NRXN1: variants seen among roughly 807,000 people sequenced by gnomAD.
NRXN1 encodes the protein neurexin 1.
In NRXN1, 39 loss-of-function variants were observed where a neutral mutation model predicts 150.9. The ratio of observed to expected loss-of-function variants is 0.26; its 90% CI spans 0.20 to 0.34. The LOEUF (loss-of-function observed/expected upper bound fraction) is 0.34, where lower values mean the gene tolerates loss of function less well. NRXN1 is among the 10% of genes least tolerant of loss of function. The pLI is 1.00. For synonymous variants in NRXN1, 924 were observed against 757.0 expected (o/e 1.22, Z -3.62); for missense variants, 1,815 against 1,949.9 (o/e 0.93, Z 1.30).
intron 5 of NRXN1, among the ~76,000 whole-genome samples, chr2:50,695,272 C>A (rs1486380711): frequency 6.6e-6 from 1 of 152,078 alleles, no homozygotes; most frequent in African/African-American, 2.4e-5. Context: ...TATTTACCGA[C>A]AAATGTGAGG....
At chr2:50,227,432 T>A (rs2064503544) in intron 18 of NRXN1, among the ~76,000 whole-genome samples, 1 of 151,982 alleles carries the variant, frequency 6.6e-6, no homozygotes, top group South Asian at 2.1e-4. Flanking sequence ...AAACACACCC[T>A]TGCAGAGCAG....
intron 5 of NRXN1, among the ~76,000 whole-genome samples, chr2:50,834,217 G>T (rs1217909016): frequency 6.6e-6 from 1 of 151,852 alleles, no homozygotes; most frequent in Non-Finnish European, 1.5e-5. Flanking sequence ...AACATGGGAG[G>T]GATTTTGCTC....
At chr2:50,173,687 A>G (rs1300940564) in intron 18 of NRXN1, among the ~76,000 whole-genome samples, 1 of 152,192 alleles carries the variant, frequency 6.6e-6, no homozygotes, top group East Asian at 1.9e-4. Flanking sequence ...TGTGTATTTT[A>G]TACTGCTACT....
chr2:50,986,226 G>C (rs926420797), intron 2 of NRXN1, among the ~76,000 whole-genome samples: 1 of 151,582 alleles, frequency 6.6e-6, no homozygotes, highest in African/African-American at 2.4e-5. Context: ...TAAAACAGAA[G>C]CTTTATATAC....
chr2:50,219,386 G>C (rs2063639295), intron 18 of NRXN1, among the ~76,000 whole-genome samples: 1 of 149,810 alleles, frequency 6.7e-6, no homozygotes, highest in Non-Finnish European at 1.5e-5. Context: ...CTCTTAGACA[G>C]TCAGAACATG....
chr2:50,239,259 G>A lies in NRXN1; in HGVS notation c.3365-2289C>T, dbSNP rs114497735. Among the ~76,000 whole-genome samples the A allele has an allele frequency of 6.3e-3, 949 of 151,836 alleles. 6 individuals carry two copies. The highest frequency in any genetic ancestry group is 0.022 in the African/African-American group (921 of 41,486). On this transcript the variant is annotated intron_variant, in intron 17 of 22. Coordinates refer to ENST00000401669, the MANE Select transcript of NRXN1 (RefSeq NM_001330078.2). ...ATGGCTTTAAAAGGAGGATGTAGTG[G>A]TTATCTCTGAGTGCTGATACTTAAT... is the stretch of plus-strand genomic sequence containing the variant.
intron 21 of NRXN1, among the ~76,000 whole-genome samples, chr2:50,046,903 G>C (rs1213595551): frequency 1.3e-5 from 2 of 152,268 alleles, no homozygotes; most frequent in African/African-American, 4.8e-5. Context: ...GATACTATTA[G>C]AAGGAGTAAT....
intron 5 of NRXN1, among the ~76,000 whole-genome samples, chr2:50,791,619 G>A (rs1191110026): frequency 1.3e-5 from 2 of 152,148 alleles, no homozygotes; most frequent in African/African-American, 4.8e-5. Flanking sequence ...GAACAGCCCA[G>A]TAATGAGTTG....
chr2:50,995,006 T>A (rs570717284), intron 2 of NRXN1, among the ~76,000 whole-genome samples: 2 of 152,094 alleles, frequency 1.3e-5, no homozygotes, highest in East Asian at 3.9e-4. Context: ...TTAAGAGAAA[T>A]ATAGGGTAAT....
At chr2:50,253,351 C>T (rs1259532462) in intron 17 of NRXN1, among the ~76,000 whole-genome samples, 1 of 152,122 alleles carries the variant, frequency 6.6e-6, no homozygotes, top group Non-Finnish European at 1.5e-5. Flanking sequence ...ATCATGTCGT[C>T]TGCAAACAGA....
At chr2:50,348,385 C>A (rs1156764557) in intron 17 of NRXN1, among the ~76,000 whole-genome samples, 3 of 152,076 alleles carry the variant, frequency 2.0e-5, no homozygotes, top group Non-Finnish European at 2.9e-5. Flanking sequence ...AGGAGAGAAA[C>A]AGGAAGAAAG....
intron 16 of NRXN1, among the ~76,000 whole-genome samples, chr2:50,470,523 T>C (rs1573111643): frequency 6.6e-6 from 1 of 151,892 alleles, no homozygotes; most frequent in South Asian, 2.1e-4. Context: ...GAAAAAAATG[T>C]ATTTTCAAAT....
chr2:50,814,077 A>G (rs759055634), intron 5 of NRXN1, among the ~76,000 whole-genome samples: 25 of 152,182 alleles, frequency 1.6e-4, no homozygotes, highest in Non-Finnish European at 3.4e-4. Context: ...CACAGTAGGT[A>G]AGTATGGCAA....
intron 5 of NRXN1, among the ~76,000 whole-genome samples, chr2:50,845,578 C>A (rs1673522409): frequency 6.6e-6 from 1 of 152,126 alleles, no homozygotes; most frequent in Non-Finnish European, 1.5e-5. Flanking sequence ...CTGTTTTTCC[C>A]TCACAAATTT....
chr2:49,993,450 G>A (rs1682366129), intron 21 of NRXN1, among the ~76,000 whole-genome samples: 1 of 152,202 alleles, frequency 6.6e-6, no homozygotes, highest in South Asian at 2.1e-4. Context: ...TTAGGTCTGT[G>A]AAAATACTCT....
At chr2:50,032,804 A>G (rs1203771539) in intron 21 of NRXN1, among the ~76,000 whole-genome samples, 2 of 151,916 alleles carry the variant, frequency 1.3e-5, no homozygotes, top group South Asian at 2.1e-4. Flanking sequence ...GCAAGCCGGT[A>G]AGAGAGCTGT....
intron 17 of NRXN1, among the ~76,000 whole-genome samples, chr2:50,459,679 A>C (rs368492826): frequency 6.6e-5 from 10 of 152,132 alleles, no homozygotes; most frequent in African/African-American, 2.4e-4. Flanking sequence ...TCTATGGTGT[A>C]TATGTACCAC....
At chr2:50,670,213 C>T (rs1463541759) in intron 5 of NRXN1, among the ~76,000 whole-genome samples, 2 of 151,766 alleles carry the variant, frequency 1.3e-5, no homozygotes, top group East Asian at 3.9e-4. Flanking sequence ...GGTGAAAAAG[C>T]ATCATACATG....
At chr2:50,941,128 T>C (rs1490587678) in intron 2 of NRXN1, among the ~76,000 whole-genome samples, 3 of 152,110 alleles carry the variant, frequency 2.0e-5, no homozygotes, top group Non-Finnish European at 4.4e-5. Context: ...TCTTCTGCCA[T>C]CATGCAAGAT....
Sources: gnomAD v4.1 joint callset for allele counts (sites outside exome capture counted in the v4.1 genomes callset) on GRCh38, gnomAD v4.1.1 for gene constraint, MANE v1.5 for transcripts, NCBI Gene and HGNC (gene_info 2026-07-23, HGNC 2026-07-21) for gene names.